MORC1: variants seen among roughly 807,000 people sequenced by gnomAD.
MORC1 encodes the protein MORC family CW-type zinc finger protein 1.
Under a neutral mutation model 134.9 loss-of-function variants are expected in MORC1, and 59 were observed. That is an observed-to-expected ratio of 0.44 (90% CI 0.35 to 0.54). The LOEUF (loss-of-function observed/expected upper bound fraction) is 0.54, where lower values mean the gene tolerates loss of function less well. Ranked by LOEUF, MORC1 falls within the 20% of genes least tolerant of loss-of-function variation. MORC1 has a pLI of 0.00. For missense variants in MORC1, 947 were observed against 1,134.5 expected (o/e 0.83, Z 2.37); for synonymous variants, 395 against 391.7 (o/e 1.01, Z -0.10).
chr3:109,033,283 A>C (rs1378727260), intron 15 of MORC1, among the ~76,000 whole-genome samples: 2 of 143,412 alleles, frequency 1.4e-5, no homozygotes, highest in African/African-American at 5.3e-5. Flanking sequence ...GAAAGCAAGA[A>C]AGGAGGAAGG....
intron 20 of MORC1, among the ~76,000 whole-genome samples, chr3:109,002,313 T>C (rs6437810): frequency 0.42 from 64,322 of 152,072 alleles, 14,327 homozygotes; most frequent in Middle Eastern, 0.55. Flanking sequence ...AGAGAAGAGA[T>C]AAAGCAAGAT....
chr3:109,103,680 C>T (rs1426360774), intron 4 of MORC1, among the ~76,000 whole-genome samples, 169 bp downstream of exon 4: 1 of 152,192 alleles, frequency 6.6e-6, no homozygotes, highest in African/African-American at 2.4e-5. Flanking sequence ...AATAAATTTA[C>T]TCTGCCAGCT....
intron 14 of MORC1, among the ~76,000 whole-genome samples, chr3:109,042,570 C>G (rs748815060): frequency 1.6e-4 from 24 of 152,166 alleles, no homozygotes; most frequent in Non-Finnish European, 3.2e-4. Context: ...CCAGCATGTC[C>G]TCTTCTGTAT....
chr3:109,015,850 T>C (rs1283124502), intron 17 of MORC1, among the ~76,000 whole-genome samples: 1 of 152,146 alleles, frequency 6.6e-6, no homozygotes, highest in African/African-American at 2.4e-5. Context: ...CTGCTAAAAT[T>C]TGTGCAAGTT....
chr3:109,034,370 TTAG>T (rs1487470478), intron 15 of MORC1, among the ~76,000 whole-genome samples: 4 of 152,204 alleles, frequency 2.6e-5, no homozygotes, highest in Non-Finnish European at 5.9e-5. Flanking sequence ...GTTACAGATA[TTAG>T]AGACTGTCTT....
intron 20 of MORC1, among the ~76,000 whole-genome samples, chr3:109,003,391 G>GCACACACA (rs3054383): frequency 0.079 from 11,532 of 146,636 alleles, 654 homozygotes; most frequent in Non-Finnish European, 0.11. Flanking sequence ...ATATGTGTAT[G>GCACACACA]CACACACACA....
chr3:109,052,149 G>A (rs1446869096), intron 14 of MORC1, among the ~76,000 whole-genome samples: 1 of 152,088 alleles, frequency 6.6e-6, no homozygotes, highest in African/African-American at 2.4e-5. Flanking sequence ...GTAGATGTTT[G>A]AGTTAAACCT....
At chr3:108,984,888 G>C in intron 22 of MORC1, 106 bp from the exon 23 acceptor site, 1 of 734,432 alleles carries the variant, frequency 1.4e-6, no homozygotes, top group Admixed American at 3.2e-5. Flanking sequence ...ATATGGATTT[G>C]TATTGAAACA....
chr3:108,963,873 T>C (rs1190024366), intron 26 of MORC1, among the ~76,000 whole-genome samples: 1 of 152,212 alleles, frequency 6.6e-6, no homozygotes, highest in Non-Finnish European at 1.5e-5. Context: ...TTGGAGACCT[T>C]TGGTCTGGAA....
intron 14 of MORC1, among the ~76,000 whole-genome samples, chr3:109,052,801 G>T (rs1218196423): frequency 6.6e-6 from 1 of 152,074 alleles, no homozygotes; most frequent in Admixed American, 6.6e-5. Context: ...CCCTATGTCT[G>T]CCTAATTTAA....
At chr3:108,978,612 C>T (rs921273203) in intron 24 of MORC1, among the ~76,000 whole-genome samples, 3 of 152,158 alleles carry the variant, frequency 2.0e-5, no homozygotes, top group African/African-American at 7.2e-5. Context: ...ACAGCCTGGG[C>T]CTTAGTAGAG....
intron 21 of MORC1, among the ~76,000 whole-genome samples, chr3:108,991,722 C>T (rs1425023721): frequency 1.3e-5 from 2 of 152,178 alleles, no homozygotes. Flanking sequence ...TCATGACACA[C>T]GTGAATGTCT....
chr3:108,970,482 C>T (rs768904190), intron 25 of MORC1, among the ~76,000 whole-genome samples: 7 of 151,938 alleles, frequency 4.6e-5, no homozygotes, highest in South Asian at 4.2e-4. Context: ...AGAAGCCCCA[C>T]GGGAGAGGAT....
chr3:109,028,017 A>G, intron 16 of MORC1, 128 bp from the exon 17 acceptor site: 1 of 1,005,064 alleles, frequency 9.9e-7, no homozygotes, highest in South Asian at 1.8e-5. Flanking sequence ...AATAGGAAGG[A>G]AAAGCATTGT....
chr3:109,097,693 G>A (rs143011340), intron 6 of MORC1, among the ~76,000 whole-genome samples: 142 of 152,220 alleles, frequency 9.3e-4, no homozygotes, highest in Admixed American at 1.9e-3. Context: ...ACAGTGACAC[G>A]AACACAGAAA....
At chr3:109,076,734 AC>A (rs1481237031) in intron 8 of MORC1, among the ~76,000 whole-genome samples, 1 of 152,056 alleles carries the variant, frequency 6.6e-6, no homozygotes, top group Non-Finnish European at 1.5e-5. Context: ...GAAACAGAAA[AC>A]CAAATACCAC....
chr3:109,094,314 T>C (rs759668519), intron 7 of MORC1, among the ~76,000 whole-genome samples: 4 of 152,200 alleles, frequency 2.6e-5, no homozygotes, highest in African/African-American at 4.8e-5. Context: ...TTATACTTTT[T>C]GGTAGTTCTT....
rs141520987 is a variant in MORC1 at position 109,085,534 on chromosome 3, A to C, written c.689+7902T>G. Among the ~76,000 whole-genome samples, 537 of 151,824 alleles carry C rather than the reference A, an allele frequency of 3.5e-3. 13 individuals carry two copies. The highest frequency in any genetic ancestry group is 0.013 in the African/African-American group (515 of 41,116). On this transcript the variant is annotated intron_variant, in intron 8 of 27. Transcript: ENST00000232603. ...TGCTCAACATCACTAATCATCACAG[A>C]AATGTAAACCAAAACCACAATGAGA...
At chr3:109,090,876 A>C (rs1364549349) in intron 8 of MORC1, among the ~76,000 whole-genome samples, 1 of 152,066 alleles carries the variant, frequency 6.6e-6, no homozygotes, top group East Asian at 1.9e-4. Flanking sequence ...AGATAAGGGG[A>C]TACAATAATC....
Sources: gnomAD v4.1 joint callset for allele counts (sites outside exome capture counted in the v4.1 genomes callset) on GRCh38, gnomAD v4.1.1 for gene constraint, MANE v1.5 for transcripts, NCBI Gene and HGNC (gene_info 2026-07-23, HGNC 2026-07-21) for gene names.